ATP5MF: variants seen among roughly 807,000 people sequenced by gnomAD.
The protein encoded by ATP5MF is ATP synthase F(0) complex subunit f, mitochondrial.
A neutral mutation model predicts 13.8 loss-of-function variants in ATP5MF; 10 were observed. The ratio of observed to expected loss-of-function variants is 0.72; its 90% CI spans 0.45 to 1.23. ATP5MF has a LOEUF of 1.23. ATP5MF is among the 50% of genes most tolerant of loss of function. ATP5MF has a pLI of 0.00. For synonymous variants in ATP5MF, 40 were observed against 45.8 expected, an observed-to-expected ratio of 0.87 and a Z score of 0.51; for missense variants, 122 against 118.2, an observed-to-expected ratio of 1.03 and a Z score of -0.15.
chr7:99,458,428 C>T (rs941454064), intron 3 of ATP5MF, 73 bp from the exon 4 acceptor site: 12 of 1,474,556 alleles, frequency 8.1e-6, no homozygotes, highest in Non-Finnish European at 1.0e-5. Context: ...AGGAAGCAGG[C>T]TGAGATCACA....
chr7:99,458,725 C>G (rs1193533309), intron 3 of ATP5MF, among the ~76,000 whole-genome samples: 1 of 152,088 alleles, frequency 6.6e-6, no homozygotes, highest in Non-Finnish European at 1.5e-5. Flanking sequence ...AGGCTGCCAC[C>G]GACACCTCCC....
intron 2 of ATP5MF, chr7:99,459,855 T>C: frequency 1.9e-6 from 1 of 524,280 alleles, no homozygotes; most frequent in South Asian, 2.5e-5. Flanking sequence ...GCAGACATAC[T>C]GATTCCAAGC....
rs116894034 is a variant in ATP5MF at position 99,466,102 on chromosome 7, C to T, written c.31+9G>A. The T allele has an allele frequency of 0.02, 31,602 of 1,614,160 alleles. 409 individuals are homozygous for T. The highest frequency in any genetic ancestry group is 0.023 in the Non-Finnish European group (26,997 of 1,180,002). On this transcript the variant is annotated intron_variant, in intron 1 of 3. Transcript: ENST00000292475. ...TCCTGCTTCCACCACGGAGTCCAAA[C>T]AGCCTTACCTGGGGCCGGACACTCA...
chr7:99,460,237 C>G, intron 1 of ATP5MF, 44 bp from the exon 2 acceptor site: 1 of 1,606,378 alleles, frequency 6.2e-7, no homozygotes, highest in Non-Finnish European at 8.5e-7. Context: ...AATAATCTCC[C>G]AGTAACACAT....
chr7:99,466,118 C>CG lies in ATP5MF; in HGVS notation c.23dup (p.Ala9GlyfsTer30), dbSNP rs1798864889. On this transcript the variant is annotated frameshift_variant, in exon 1 of 4. Coordinates refer to ENST00000292475, the MANE Select transcript of ATP5MF (RefSeq NM_004889.5). LOFTEE classifies it high-confidence loss of function. ...GAGTCCAAACAGCCTTACCTGGGGC[C>CG]GGACACTCACCAACTGACGCCATTT... 6 of 1,614,048 alleles carry CG rather than the reference C, an allele frequency of 3.7e-6. No individual in the cohort carries two copies. Among genetic ancestry groups the CG allele is most frequent in the Non-Finnish European group, 5.1e-6 (6 of 1,180,036 alleles).
At chr7:99,459,925 A>G in intron 2 of ATP5MF, 161 bp downstream of exon 2, 1 of 770,662 alleles carries the variant, frequency 1.3e-6, no homozygotes, top group South Asian at 1.9e-5. Context: ...GGGCCAATCA[A>G]CCACAGAAGT....
chr7:99,465,843 A>G (rs1798847945), intron 1 of ATP5MF, among the ~76,000 whole-genome samples: 1 of 152,192 alleles, frequency 6.6e-6, no homozygotes, highest in Admixed American at 6.5e-5. Flanking sequence ...CGGAAAGAGG[A>G]ACAGTGGCCC....
Position 99,460,481 on chromosome 7 carries a change from A to G in ATP5MF, c.32-288T>C, listed in dbSNP as rs1435943366. 1.2e-5 allele frequency: 8 copies of G among 645,326 alleles called. No homozygotes were observed. In the East Asian group the frequency reaches 2.3e-4, roughly 19 times the overall value. 40.0% of individuals were successfully genotyped at this position (645,326 alleles called of 1,614,324 possible). A position where few individuals can be genotyped will look rare whatever the true frequency, so the allele number is the denominator to read the frequency against. On this transcript the variant is annotated intron_variant, in intron 1 of 3. Transcript: ENST00000292475. ...AGAAAAGGGTCTCGAAAAAAGCAGT[A>G]ACGTGGCGGACAGGAAAGATTACTG...
rs116668462 is a variant in ATP5MF at position 99,465,358 on chromosome 7, A to T, written c.31+753T>A. On this transcript the variant is annotated intron_variant, in intron 1 of 3. Coordinates refer to ENST00000292475, the MANE Select transcript of ATP5MF (RefSeq NM_004889.5). ...CAGGCTGTGTGACCTCAGAGAGGCC[A>T]CACCACATCCCGAACAGTTATTTCC... Among the ~76,000 whole-genome samples, 452 of 152,338 alleles carry T rather than the reference A, an allele frequency of 3.0e-3. 1 individual carries two copies. The highest frequency in any genetic ancestry group is 0.011 in the African/African-American group (440 of 41,580).
intron 1 of ATP5MF, among the ~76,000 whole-genome samples, chr7:99,461,643 A>G (rs1798605518): frequency 6.7e-6 from 1 of 150,100 alleles, no homozygotes; most frequent in Admixed American, 6.6e-5. Context: ...CAGGAGTTTG[A>G]GACCAGCCTG....
At chr7:99,463,646 G>A (rs1322074410) in intron 1 of ATP5MF, among the ~76,000 whole-genome samples, 1 of 151,902 alleles carries the variant, frequency 6.6e-6, no homozygotes, top group Non-Finnish European at 1.5e-5. Context: ...TGTGGTGGCG[G>A]GCACCTGCAA....
intron 1 of ATP5MF, among the ~76,000 whole-genome samples, chr7:99,464,629 C>T (rs1342429334): frequency 5.3e-5 from 8 of 151,832 alleles, no homozygotes; most frequent in African/African-American, 1.9e-4. Context: ...CGCCACTGCA[C>T]TCCAGCCTGG....
At chr7:99,458,778 G>A (rs778077078) in intron 3 of ATP5MF, among the ~76,000 whole-genome samples, 6 of 151,882 alleles carry the variant, frequency 4.0e-5, no homozygotes, top group African/African-American at 1.2e-4. Context: ...CCTCAGAGCC[G>A]GAACAGCCAT....
chr7:99,462,058 G>A (rs1033368363), intron 1 of ATP5MF, among the ~76,000 whole-genome samples: 1 of 151,942 alleles, frequency 6.6e-6, no homozygotes, highest in Non-Finnish European at 1.5e-5. Flanking sequence ...GGCTGGCATG[G>A]AGCCTGGCAC....
In ATP5MF at chr7:99,462,661, G is replaced by A. The variant is rs190235752; in HGVS notation, c.32-2468C>T. On this transcript the variant is annotated intron_variant, in intron 1 of 3. Transcript: ENST00000292475. ...ATGGTGGCGTGTGCCTGTAGTCCCCGCTACTCGGGAGGCTGAGACAGGAGA... is the reference window on the plus strand; with the variant it reads ...ATGGTGGCGTGTGCCTGTAGTCCCCACTACTCGGGAGGCTGAGACAGGAGA... Among the ~76,000 whole-genome samples, 22 of 152,244 alleles carry A rather than the reference G, an allele frequency of 1.4e-4. No individual in the cohort carries two copies. The South Asian group carries it at 2.7e-3, about 19-fold the overall frequency.
intron 2 of ATP5MF, chr7:99,459,575 A>T (rs192410891): frequency 3.3e-6 from 1 of 306,400 alleles, no homozygotes; most frequent in East Asian, 8.1e-5. Context: ...ACAGCCAGCT[A>T]ATTTTTCTTG....
At chr7:99,464,165 A>G (rs1798739448) in intron 1 of ATP5MF, among the ~76,000 whole-genome samples, 1 of 152,224 alleles carries the variant, frequency 6.6e-6, no homozygotes, top group African/African-American at 2.4e-5. Flanking sequence ...TTCACATGCT[A>G]AATCGATTGA....
intron 1 of ATP5MF, among the ~76,000 whole-genome samples, chr7:99,463,645 G>A (rs897620218): frequency 3.3e-5 from 5 of 151,966 alleles, no homozygotes; most frequent in South Asian, 2.1e-4. Flanking sequence ...GTGTGGTGGC[G>A]GGCACCTGCA....
chr7:99,462,275 A>T (rs1265992316), intron 1 of ATP5MF, among the ~76,000 whole-genome samples: 3 of 121,646 alleles, frequency 2.5e-5, no homozygotes, highest in Non-Finnish European at 4.9e-5. Flanking sequence ...ACATGGTGAA[A>T]CCCCATCACT....
Sources: gnomAD v4.1 joint callset for allele counts (sites outside exome capture counted in the v4.1 genomes callset) on GRCh38, gnomAD v4.1.1 for gene constraint, MANE v1.5 for transcripts, NCBI Gene and HGNC (gene_info 2026-07-23, HGNC 2026-07-21) for gene names.